The following ERBB4 variants were observed in gnomAD, a reference collection of about 807,000 sequenced individuals.
The protein encoded by ERBB4 is erb-b2 receptor tyrosine kinase 4.
In ERBB4, 42 loss-of-function variants were observed where a neutral mutation model predicts 158.0. That is an observed-to-expected ratio of 0.27 (90% CI 0.21 to 0.34). ERBB4 has a LOEUF of 0.34. Ranked by LOEUF, ERBB4 falls within the 10% of genes least tolerant of loss-of-function variation. ERBB4 has a pLI of 1.00. For synonymous variants in ERBB4, 583 were observed against 558.7 expected (o/e 1.04, Z -0.61); for missense variants, 1,333 against 1,624.1 (o/e 0.82, Z 3.08).
intron 3 of ERBB4, among the ~76,000 whole-genome samples, chr2:211,885,352 G>A (rs1052054884): frequency 2.6e-5 from 4 of 152,026 alleles, no homozygotes; most frequent in Admixed American, 6.5e-5. Flanking sequence ...GATCTATAGT[G>A]ATAGTAAAGA....
intron 1 of ERBB4, among the ~76,000 whole-genome samples, chr2:212,281,515 G>T (rs1286677986): frequency 6.6e-6 from 1 of 151,650 alleles, no homozygotes; most frequent in African/African-American, 2.4e-5. Flanking sequence ...TAGTAGTCAG[G>T]ATTACCCATT....
chr2:211,822,803 C>A (rs72948566), intron 3 of ERBB4, among the ~76,000 whole-genome samples: 35,208 of 151,938 alleles, frequency 0.23, 4,214 homozygotes, highest in South Asian at 0.33. Flanking sequence ...CTCTGACAAC[C>A]ACATGCTTGT....
Position 211,750,692 on chromosome 2 carries a change from T to A in ERBB4, c.569A>T (p.His190Leu). ...CCAGCAACGGCCAGTACAGGACTTA[T>A]GGCAACGTCCACCTGCAGAACACGA... ...TNGSSGCGRCHKSCTGRCWGP... is the reference protein window; with the variant it reads ...TNGSSGCGRCLKSCTGRCWGP... Residue 190 changes from histidine to leucine, a missense_variant, in exon 5 of 28, where the codon CAT becomes CTT. Around this residue, in one of 5 missense-constraint regions of ERBB4, gnomAD observed 438 missense variants for 586.9 expected, o/e 0.75. Transcript: ENST00000342788. The A allele has an allele frequency of 6.2e-7, 1 of 1,613,966 alleles. No homozygotes were observed. The highest frequency in any genetic ancestry group is 8.5e-7 in the Non-Finnish European group (1 of 1,179,892).
intron 20 of ERBB4, among the ~76,000 whole-genome samples, chr2:211,491,267 A>G (rs2065335263): frequency 6.6e-6 from 1 of 152,100 alleles, no homozygotes; most frequent in South Asian, 2.1e-4. Context: ...AGGGCATTTT[A>G]TGCAATCATT....
chr2:212,185,021 CT>C (rs1553584051), intron 1 of ERBB4, among the ~76,000 whole-genome samples: 59 of 132,418 alleles, frequency 4.5e-4, no homozygotes, highest in Admixed American at 4.4e-4. Context: ...ACTTTTTTTT[CT>C]TTTTTTTTTT....
chr2:211,908,753 T>C (rs1177173825), intron 3 of ERBB4, among the ~76,000 whole-genome samples: 1 of 151,742 alleles, frequency 6.6e-6, no homozygotes, highest in Non-Finnish European at 1.5e-5. Flanking sequence ...CAATAAGTGA[T>C]AAAAATGCAG....
chr2:211,946,416 T>G (rs2080691974), intron 3 of ERBB4, among the ~76,000 whole-genome samples: 1 of 151,934 alleles, frequency 6.6e-6, no homozygotes, highest in African/African-American at 2.4e-5. Flanking sequence ...TGCTTAATTT[T>G]TCAATGTCAA....
chr2:212,240,446 C>G (rs1280879927), intron 1 of ERBB4, among the ~76,000 whole-genome samples: 2 of 151,714 alleles, frequency 1.3e-5, no homozygotes, highest in Non-Finnish European at 2.9e-5. Context: ...GCCTGACCAA[C>G]ATGGTGAAAC....
chr2:212,443,670 T>C (rs2092297444), intron 1 of ERBB4, among the ~76,000 whole-genome samples: 1 of 152,216 alleles, frequency 6.6e-6, no homozygotes, highest in Non-Finnish European at 1.5e-5. Flanking sequence ...TGCAAACTGC[T>C]CTGCCACTTG....
chr2:211,478,868 G>A (rs1308927783), intron 20 of ERBB4, among the ~76,000 whole-genome samples: 1 of 152,026 alleles, frequency 6.6e-6, no homozygotes, highest in African/African-American at 2.4e-5. Context: ...CTTCAAATGT[G>A]CATTATCCCA....
chr2:211,667,560 C>T (rs1193582495), intron 14 of ERBB4, among the ~76,000 whole-genome samples: 1 of 151,964 alleles, frequency 6.6e-6, no homozygotes, highest in Non-Finnish European at 1.5e-5. Flanking sequence ...ATTTTAACAC[C>T]TGCTTATGGG....
At chr2:211,788,184 A>T (rs569502074) in intron 3 of ERBB4, 25 bp from the exon 4 acceptor site, 9 of 1,590,580 alleles carry the variant, frequency 5.7e-6, no homozygotes, top group Middle Eastern at 1.7e-4. Context: ...AAATAAACAA[A>T]TTTTTTGTCA....
chr2:212,052,301 C>T (rs1455317979), intron 2 of ERBB4, among the ~76,000 whole-genome samples: 1 of 152,186 alleles, frequency 6.6e-6, no homozygotes, highest in Non-Finnish European at 1.5e-5. Flanking sequence ...CTTGGGCCTT[C>T]AGCCACAGAC....
chr2:211,757,169 A>G (rs2075304549), intron 4 of ERBB4, among the ~76,000 whole-genome samples: 1 of 152,112 alleles, frequency 6.6e-6, no homozygotes, highest in Admixed American at 6.6e-5. Flanking sequence ...GTTTATTTGT[A>G]TTCACTCTTC....
At chr2:212,247,437 A>G (rs1306968820) in intron 1 of ERBB4, among the ~76,000 whole-genome samples, 1 of 152,176 alleles carries the variant, frequency 6.6e-6, no homozygotes, top group Non-Finnish European at 1.5e-5. Context: ...ATTTGGGGTT[A>G]AGAGATCTGT....
intron 1 of ERBB4, among the ~76,000 whole-genome samples, chr2:212,307,694 C>T (rs2086863102): frequency 6.6e-6 from 1 of 151,184 alleles, no homozygotes; most frequent in Non-Finnish European, 1.5e-5. Context: ...GTGTCTTTTA[C>T]TATCACATAC....
intron 1 of ERBB4, among the ~76,000 whole-genome samples, chr2:212,190,550 A>AAAAAAAG (rs540372658): frequency 3.4e-5 from 5 of 147,014 alleles, no homozygotes; most frequent in Non-Finnish European, 6.0e-5. Flanking sequence ...AAAAAAAAAA[A>AAAAAAAG]AAGAAGAAGA....
At chr2:212,394,021 T>C (rs1194309799) in intron 1 of ERBB4, among the ~76,000 whole-genome samples, 2 of 152,176 alleles carry the variant, frequency 1.3e-5, no homozygotes, top group African/African-American at 4.8e-5. Flanking sequence ...CTATGTGGTA[T>C]AGAATCCACT....
chr2:212,067,949 CAT>C (rs1460560274), intron 2 of ERBB4, among the ~76,000 whole-genome samples: 3 of 151,972 alleles, frequency 2.0e-5, no homozygotes, highest in African/African-American at 7.2e-5. Flanking sequence ...AAAATAAATA[CAT>C]TGGGTACTAT....
Sources: gnomAD v4.1 joint callset for allele counts (sites outside exome capture counted in the v4.1 genomes callset) on GRCh38, gnomAD v4.1.1 for gene constraint, gnomAD v4.1.1 regional missense constraint, MANE v1.5 for transcripts, NCBI Gene and HGNC (gene_info 2026-07-23, HGNC 2026-07-21) for gene names.